The following LYZL1 variants were observed in gnomAD, a reference collection of about 807,000 sequenced individuals.
The protein encoded by LYZL1 is lysozyme-like protein 1.
LYZL1 carries 16 observed loss-of-function variants against 17.9 expected under a neutral mutation model. That is an observed-to-expected ratio of 0.90 (90% confidence interval 0.61 to 1.36). The LOEUF (loss-of-function observed/expected upper bound fraction) is 1.36. Ranked by LOEUF, LYZL1 falls within the 40% of genes most tolerant of loss-of-function variation. LYZL1 has a pLI of 0.00. For synonymous variants in LYZL1, 58 were observed against 71.8 expected (o/e 0.81, Z 0.97); for missense variants, 149 against 188.4 (o/e 0.79, Z 1.22).
downstream of LYZL1, chr10:29,311,246 A>G: frequency 6.8e-7 from 1 of 1,470,646 alleles, no homozygotes; most frequent in Non-Finnish European, 9.0e-7. Context: ...CTCAGTTCCA[A>G]TGATGTCATA....
chr10:29,295,174 T>C (rs1392137442), intron 3 of LYZL1, among the ~76,000 whole-genome samples: 1 of 152,236 alleles, frequency 6.6e-6, no homozygotes, highest in Non-Finnish European at 1.5e-5. Context: ...CCTCCTGAGA[T>C]AGATCTCCCG....
Position 29,292,002 on chromosome 10 carries a change from A to G in LYZL1, c.135A>G (p.Gly45=). Residue 45 remains glycine (G), a synonymous_variant, in exon 2 of 5, where the codon GGA becomes GGG. Transcript: ENST00000649382. ...GLDNYWGFSL[G]NWICMAYYES... is the part of the protein sequence containing the mutation. ...ACAATTACTGGGGCTTCAGCCTTGG[A>G]AACTGTGAGACTCTTTCTTTCCTGC... is the stretch of plus-strand genomic sequence containing the variant. The G allele has an allele frequency of 7.8e-7, 1 of 1,289,346 alleles. No homozygotes were observed. The highest frequency in any genetic ancestry group is 1.5e-5 in the African/African-American group (1 of 68,400). 79.9% of individuals were successfully genotyped at this position (1,289,346 alleles called of 1,614,324 possible). A position where few individuals can be genotyped will look rare whatever the true frequency, so the allele number is the denominator to read the frequency against.
At chr10:29,296,983 T>C (rs1419759866) in intron 3 of LYZL1, among the ~76,000 whole-genome samples, 1 of 151,664 alleles carries the variant, frequency 6.6e-6, no homozygotes, top group Non-Finnish European at 1.5e-5. Flanking sequence ...AAAGCAGAGT[T>C]TATGCAAGGA....
chr10:29,292,972 T>C (rs557175108), intron 3 of LYZL1, among the ~76,000 whole-genome samples: 2 of 152,162 alleles, frequency 1.3e-5, no homozygotes, highest in Non-Finnish European at 2.9e-5. Context: ...ATGTCTTCAG[T>C]AAGAAAAAGG....
At chr10:29,310,347 G>C (rs1471602814) in intron 4 of LYZL1, among the ~76,000 whole-genome samples, 159 bp downstream of exon 4, 2 of 152,192 alleles carry the variant, frequency 1.3e-5, no homozygotes, top group Non-Finnish European at 2.9e-5. Context: ...GTGTGGGTGT[G>C]CAGTGAACAT....
downstream of LYZL1, among the ~76,000 whole-genome samples, chr10:29,315,814 G>A (rs553980409): frequency 6.8e-4 from 102 of 150,606 alleles, no homozygotes; most frequent in African/African-American, 1.9e-3. Context: ...GTACCACCGC[G>A]CTCCAGTCTG....
At chr10:29,291,001 C>G (rs1046447980) in intron 1 of LYZL1, among the ~76,000 whole-genome samples, 2 of 152,166 alleles carry the variant, frequency 1.3e-5, no homozygotes, top group Non-Finnish European at 2.9e-5. Flanking sequence ...GCCCACGTGT[C>G]TTTCATCTGT....
chr10:29,297,877 A>T (rs1835467637), intron 3 of LYZL1, among the ~76,000 whole-genome samples: 1 of 152,334 alleles, frequency 6.6e-6, no homozygotes, highest in South Asian at 2.1e-4. Flanking sequence ...ATCAAGCATC[A>T]GAGTGACATC....
intron 3 of LYZL1, among the ~76,000 whole-genome samples, chr10:29,308,614 C>T (rs7094584): frequency 1.8e-4 from 28 of 152,302 alleles, no homozygotes; most frequent in African/African-American, 5.5e-4. Context: ...GGAAAGAATG[C>T]GGATATCAAA....
intron 3 of LYZL1, among the ~76,000 whole-genome samples, chr10:29,297,078 T>A (rs1287110404): frequency 7.4e-6 from 1 of 135,006 alleles, no homozygotes; most frequent in Non-Finnish European, 1.7e-5. Context: ...GCAAGATGCT[T>A]TTTTTGAAAA....
At chr10:29,293,132 T>C (rs867069591) in intron 3 of LYZL1, among the ~76,000 whole-genome samples, 64 of 115,882 alleles carry the variant, frequency 5.5e-4, no homozygotes, top group African/African-American at 8.7e-4. Flanking sequence ...CTTTTCTTTT[T>C]TCTTTTTTTT....
chr10:29,299,871 C>G (rs1835494366), intron 3 of LYZL1, among the ~76,000 whole-genome samples: 1 of 152,246 alleles, frequency 6.6e-6, no homozygotes, highest in South Asian at 2.1e-4. Context: ...CTTTTATATC[C>G]ATTCTGGTAA....
rs1588658411 is a variant in LYZL1, at chr10:29,296,127, C to T, written c.298+3450C>T. On this transcript the variant is annotated intron_variant, in intron 3 of 4. Coordinates refer to ENST00000649382, the MANE Select transcript of LYZL1 (RefSeq NM_032517.6). Reference sequence around the variant, plus strand: ...AGGGCAGCAATAGAAACCCAATACCCCTCTCCTCCCTCTTGGTGTCCTGCC... The same window carrying T: ...AGGGCAGCAATAGAAACCCAATACCTCTCTCCTCCCTCTTGGTGTCCTGCC... 1.3e-5 allele frequency among the ~76,000 whole-genome samples: 2 copies of T among 152,180 alleles called. 1 individual carries two copies.
chr10:29,290,207 G>A (rs1359972533), intron 1 of LYZL1, among the ~76,000 whole-genome samples: 1 of 152,166 alleles, frequency 6.6e-6, no homozygotes, highest in Non-Finnish European at 1.5e-5. Flanking sequence ...ACATATGTAA[G>A]AACATCAAGT....
chr10:29,296,891 G>A (rs969044739), intron 3 of LYZL1, among the ~76,000 whole-genome samples: 3 of 152,054 alleles, frequency 2.0e-5, no homozygotes, highest in African/African-American at 7.2e-5. Context: ...TAGTTGCAGA[G>A]AGCCAAGGCT....
Position 29,289,153 on chromosome 10 carries a change from T to G in LYZL1, c.-103T>G, listed in dbSNP as rs764329834. ...CTCCCCTGAGCTGCCTGTCACCGAC[T>G]AAGTGGAGCAGTGTTTCTTCCGCAG... On this transcript the variant is annotated 5_prime_UTR_variant, in exon 1 of 5. The change abolishes the stop of an existing upstream ORF in the 5' untranslated region. Transcript: ENST00000649382. 10 of 1,608,412 alleles carry G rather than the reference T, an allele frequency of 6.2e-6. No individual in the cohort carries two copies. The South Asian group carries it at 7.8e-5, about 12-fold the overall frequency.
At chr10:29,297,058 A>C (rs10826596) in intron 3 of LYZL1, among the ~76,000 whole-genome samples, 1 of 150,414 alleles carries the variant, frequency 6.6e-6, no homozygotes, top group African/African-American at 2.4e-5. Flanking sequence ...GGATGCTTGG[A>C]TGAAACAAAG....
At chr10:29,315,459 C>T (rs1056586995), downstream of LYZL1, among the ~76,000 whole-genome samples, 3 of 151,690 alleles carry the variant, frequency 2.0e-5, no homozygotes, top group Admixed American at 6.6e-5. Flanking sequence ...TGCAGGGAGC[C>T]GAGATTGCAT....
chr10:29,298,411 C>T lies in LYZL1; in HGVS notation c.298+5734C>T, dbSNP rs528860712. On this transcript the variant is annotated intron_variant, in intron 3 of 4. Coordinates refer to ENST00000649382, the MANE Select transcript of LYZL1 (RefSeq NM_032517.6). ...TCAGTGTCCCTCCTCTGTCCCTTCC[C>T]TGCTGATGCCTACTCTTATTTAAAC... Among the ~76,000 whole-genome samples the T allele has an allele frequency of 5.2e-4, 79 of 152,246 alleles. 1 individual carries two copies. The highest frequency in any genetic ancestry group is 1.8e-3 in the African/African-American group (73 of 41,550).
Sources: gnomAD v4.1 joint callset for allele counts (sites outside exome capture counted in the v4.1 genomes callset) on GRCh38, gnomAD v4.1.1 for gene constraint, MANE v1.5 for transcripts, NCBI Gene and HGNC (gene_info 2026-07-23, HGNC 2026-07-21) for gene names.